The following RYR2 variants were observed in gnomAD, a reference collection of about 807,000 sequenced individuals.
RYR2 encodes ryanodine receptor 2.
Under a neutral mutation model 601.1 loss-of-function variants are expected in RYR2, and 227 were observed. The ratio of observed to expected loss-of-function variants is 0.38; its 90% CI spans 0.34 to 0.42. The LOEUF (loss-of-function observed/expected upper bound fraction) is 0.42. Ranked by LOEUF, RYR2 falls within the 10% of genes least tolerant of loss-of-function variation. The pLI is 1.00. For synonymous variants in RYR2, 2,223 were observed against 2,175.1 expected (o/e 1.02, Z -0.61); for missense variants, 4,646 against 6,156.5 (o/e 0.75, Z 8.21).
At chr1:237,489,411 C>A (rs956692865) in intron 17 of RYR2, among the ~76,000 whole-genome samples, 1 of 152,150 alleles carries the variant, frequency 6.6e-6, no homozygotes, top group Non-Finnish European at 1.5e-5. Context: ...AATCCCAGCA[C>A]TTTAGGAGAC....
At chr1:237,283,964 TC>T (rs1202772208) in intron 2 of RYR2, among the ~76,000 whole-genome samples, 1 of 152,184 alleles carries the variant, frequency 6.6e-6, no homozygotes, top group African/African-American at 2.4e-5. Flanking sequence ...CTTCCACTCT[TC>T]CCCTGAAGTT....
At chr1:237,274,681 C>A (rs1032285823) in intron 2 of RYR2, among the ~76,000 whole-genome samples, 10 of 152,274 alleles carry the variant, frequency 6.6e-5, no homozygotes, top group Non-Finnish European at 1.5e-4. Context: ...CACATTCACC[C>A]ACCACTCACT....
intron 1 of RYR2, among the ~76,000 whole-genome samples, chr1:237,045,869 G>GTTTTTTTT (rs768636054): frequency 5.3e-5 from 3 of 56,942 alleles, no homozygotes; most frequent in African/African-American, 2.5e-4. Context: ...CTTGGTCAAG[G>GTTTTTTTT]TTTTTTTTTT....
chr1:237,150,631 G>GA (rs1163683580), intron 1 of RYR2, among the ~76,000 whole-genome samples: 6 of 152,110 alleles, frequency 3.9e-5, no homozygotes, highest in Non-Finnish European at 7.4e-5. Flanking sequence ...TTCTATGAAA[G>GA]AAAAAACTAG....
chr1:237,500,900 T>C lies in RYR2; in HGVS notation c.2393T>C (p.Ile798Thr), dbSNP rs187464772. 1 of 1,613,826 alleles carries C rather than the reference T, an allele frequency of 6.2e-7. No individual in the cohort carries two copies. Among genetic ancestry groups the C allele is most frequent in the Admixed American group, 1.7e-5 (1 of 60,018 alleles). The change falls in exon 21 of 105, where the codon ATA becomes ACA. Residue 798 changes from isoleucine (I) to threonine (T), a missense_variant. By Grantham distance (89) the Ile-to-Thr change is moderately conservative. Around this residue, in one of 17 missense-constraint regions of RYR2, gnomAD observed 1,807 missense variants for 2,088.1 expected, o/e 0.87. Coordinates refer to ENST00000366574, the MANE Select transcript of RYR2 (RefSeq NM_001035.3). ...CCAGTCGTTAGTTTCTCTGCAGGAATAAAGTTAGTATGTCTATGTTTTTTG... is the reference window on the plus strand; with the variant it reads ...CCAGTCGTTAGTTTCTCTGCAGGAACAAAGTTAGTATGTCTATGTTTTTTG... ...FFPVVSFSAG[I>T]KVRFLLGGRH...
rs186443309 is a variant in RYR2, at chr1:237,691,426, T to C, written c.9067+3922T>C. ...TTGATGGGTAATGGAATATTTATTC[T>C]AGGTTGGCTGCCACATTGTAATTAT... On this transcript the variant is annotated intron_variant, in intron 63 of 104. Transcript: ENST00000366574. Among the ~76,000 whole-genome samples the C allele has an allele frequency of 3.6e-3, 552 of 152,308 alleles. 6 individuals carry two copies. The highest frequency in any genetic ancestry group is 0.012 in the African/African-American group (511 of 41,566).
intron 56 of RYR2, among the ~76,000 whole-genome samples, chr1:237,663,069 A>C (rs920203496): frequency 1.3e-5 from 2 of 152,228 alleles, no homozygotes; most frequent in Admixed American, 6.5e-5. Context: ...GGAAAGAAAG[A>C]ATATTTCTAT....
chr1:237,657,920 CT>C, intron 53 of RYR2, 23 bp from the exon 54 acceptor site: 3 of 1,317,894 alleles, frequency 2.3e-6, no homozygotes, highest in Non-Finnish European at 3.1e-6. Context: ...AAATCAAGCT[CT>C]TTTGTCTTTA....
intron 29 of RYR2, among the ~76,000 whole-genome samples, chr1:237,584,001 G>A (rs568854565): frequency 1.3e-5 from 2 of 152,326 alleles, no homozygotes; most frequent in South Asian, 2.1e-4. Context: ...TCTGGCTCAG[G>A]CCCAAGTAAC....
intron 82 of RYR2, among the ~76,000 whole-genome samples, chr1:237,758,940 C>T (rs529018774): frequency 1.8e-4 from 28 of 152,192 alleles, no homozygotes; most frequent in Admixed American, 3.9e-4. Context: ...AGATTCTGGA[C>T]GTCATTCTGA....
chr1:237,516,011 T>C (rs1282350508), intron 24 of RYR2, among the ~76,000 whole-genome samples: 1 of 150,334 alleles, frequency 6.7e-6, no homozygotes, highest in East Asian at 2.0e-4. Flanking sequence ...TTCTTCTTCT[T>C]CTCTTTATCT....
At chr1:237,347,471 T>C (rs1698404573) in intron 3 of RYR2, among the ~76,000 whole-genome samples, 1 of 152,220 alleles carries the variant, frequency 6.6e-6, no homozygotes, top group Non-Finnish European at 1.5e-5. Flanking sequence ...TGCTGATGTT[T>C]TAATGAAAAG....
intron 63 of RYR2, among the ~76,000 whole-genome samples, chr1:237,693,293 A>G (rs188232990): frequency 2.6e-5 from 4 of 152,258 alleles, no homozygotes; most frequent in Non-Finnish European, 5.9e-5. Context: ...CACATAATTA[A>G]TGACCCTTAA....
chr1:237,483,685 A>G (rs1344738362), intron 17 of RYR2, among the ~76,000 whole-genome samples: 3 of 152,154 alleles, frequency 2.0e-5, no homozygotes, highest in Admixed American at 6.5e-5. Flanking sequence ...AATGTCGTTC[A>G]TGTTCTGTGT....
At chr1:237,583,723 G>A (rs1674188473) in intron 29 of RYR2, among the ~76,000 whole-genome samples, 1 of 152,080 alleles carries the variant, frequency 6.6e-6, no homozygotes, top group Non-Finnish European at 1.5e-5. Context: ...CTTAGGAAAA[G>A]CTGGTACGCT....
At chr1:237,237,999 A>G (rs1268172675) in intron 1 of RYR2, among the ~76,000 whole-genome samples, 2 of 17,036 alleles carry the variant, frequency 1.2e-4, no homozygotes, top group Non-Finnish European at 2.0e-4. Context: ...ACAGGGTTTT[A>G]TTCTGTCACC....
intron 80 of RYR2, among the ~76,000 whole-genome samples, chr1:237,752,481 A>G (rs956758811): frequency 6.6e-6 from 1 of 151,904 alleles, no homozygotes; most frequent in African/African-American, 2.4e-5. Context: ...AAAAAAGAAA[A>G]TTTAGGAACC....
intron 102 of RYR2, 178 bp from the exon 103 acceptor site, chr1:237,830,348 ACACC>A: frequency 2.1e-6 from 1 of 486,056 alleles, no homozygotes; most frequent in Non-Finnish European, 3.8e-6. Flanking sequence ...ATTTAAGCCA[ACACC>A]AAGATATAGT....
intron 1 of RYR2, among the ~76,000 whole-genome samples, chr1:237,163,969 G>A (rs951350225): frequency 3.3e-5 from 5 of 152,182 alleles, no homozygotes; most frequent in South Asian, 4.1e-4. Flanking sequence ...ATGAGACTAC[G>A]GCTTCAAATT....
Sources: gnomAD v4.1 joint callset for allele counts (sites outside exome capture counted in the v4.1 genomes callset) on GRCh38, gnomAD v4.1.1 for gene constraint, gnomAD v4.1.1 regional missense constraint, MANE v1.5 for transcripts, NCBI Gene and HGNC (gene_info 2026-07-23, HGNC 2026-07-21) for gene names.